The following FANCD2 variants were observed in gnomAD, a reference collection of about 807,000 sequenced individuals.
FANCD2 encodes Fanconi anemia group D2 protein.
FANCD2 carries 131 observed loss-of-function variants against 192.3 expected under a neutral mutation model. The ratio of observed to expected loss-of-function variants is 0.68; its 90% CI spans 0.59 to 0.79. The LOEUF (loss-of-function observed/expected upper bound fraction) is 0.79. FANCD2 is among the 30% of genes least tolerant of loss of function. The pLI, the probability that FANCD2 is intolerant of heterozygous loss-of-function variation, is 0.00. For synonymous variants in FANCD2, 524 were observed against 612.5 expected (o/e 0.86, Z 2.13); for missense variants, 1,508 against 1,701.6 (o/e 0.89, Z 2.00).
At chr3:10,047,029 T>C (rs1248498109) in intron 15 of FANCD2, among the ~76,000 whole-genome samples, 2 of 152,296 alleles carry the variant, frequency 1.3e-5, no homozygotes, top group African/African-American at 4.8e-5. Flanking sequence ...CTGTGGACTT[T>C]AGGTGATAAT....
chr3:10,088,235 C>T (rs140957520), intron 34 of FANCD2, among the ~76,000 whole-genome samples: 1 of 152,080 alleles, frequency 6.6e-6, no homozygotes, highest in East Asian at 1.9e-4. Flanking sequence ...TGGGGTGGGA[C>T]GTGTTGAGCC....
intron 33 of FANCD2, among the ~76,000 whole-genome samples, chr3:10,086,304 G>A (rs1694196313): frequency 6.6e-6 from 1 of 152,146 alleles, no homozygotes; most frequent in Non-Finnish European, 1.5e-5. Flanking sequence ...CTTGTAGGAA[G>A]ACCTTATGTG....
At position 10,034,629 on chromosome 3, in the gene FANCD2, A is replaced by G. The variant is rs893386787; in HGVS notation, c.274-66A>G. ...CTGGTATAAAGTTGAGTGGGCTAGA[A>G]TGATTTTTAACAGCAAATATTAAAC... On this transcript the variant is annotated intron_variant, in intron 4 of 43. Transcript: ENST00000675286. 2.0e-6 allele frequency: 3 copies of G among 1,507,042 alleles called. No homozygotes were observed. In the Admixed American group the frequency reaches 5.0e-5, roughly 25 times the overall value. The allele number at this position is 1,507,042 out of a possible 1,614,324, so 93.4% of individuals were successfully genotyped here. A position where few individuals can be genotyped will look rare whatever the true frequency, so the allele number is the denominator to read the frequency against.
chr3:10,092,326 CT>C, intron 38 of FANCD2, 74 bp downstream of exon 38: 1 of 1,138,920 alleles, frequency 8.8e-7, no homozygotes, highest in Non-Finnish European at 1.3e-6. Context: ...CCAAAATGGA[CT>C]TTCCTTGCTC....
At position 10,042,524 on chromosome 3, in the gene FANCD2, A is replaced by G. The variant is rs201937253; in HGVS notation, c.784-35A>G. On this transcript the variant is annotated intron_variant, in intron 10 of 43. Coordinates refer to ENST00000675286, the MANE Select transcript of FANCD2 (RefSeq NM_001018115.3). ...AGTACAAAGTTGAGGTAGTGACATG[A>G]AAACCTATTAAGTTTCTGTGCTTTT... The G allele has an allele frequency of 1.3e-5, 20 of 1,513,606 alleles. No homozygotes were observed. The African/African-American group carries it at 2.7e-4, about 21-fold the overall frequency. 93.8% of individuals were successfully genotyped at this position (1,513,606 alleles called of 1,614,324 possible).
intron 26 of FANCD2, among the ~76,000 whole-genome samples, chr3:10,071,900 G>A (rs1206760733): frequency 6.6e-6 from 1 of 151,330 alleles, no homozygotes; most frequent in East Asian, 2.0e-4. Flanking sequence ...GCCGGGACTA[G>A]AAGTGTGCAC....
intron 17 of FANCD2, among the ~76,000 whole-genome samples, chr3:10,051,196 C>G (rs1467497659): frequency 2.0e-5 from 3 of 150,016 alleles, no homozygotes. Context: ...CCGGCTAAAA[C>G]GGTGAAACCC....
chr3:10,057,977 T>C, intron 18 of FANCD2: 1 of 397,652 alleles, frequency 2.5e-6, no homozygotes, highest in South Asian at 2.1e-5. Flanking sequence ...CAATTATTAC[T>C]CATTAGTAGC....
chr3:10,038,030 G>A (rs569704311), intron 7 of FANCD2, among the ~76,000 whole-genome samples: 1 of 152,246 alleles, frequency 6.6e-6, no homozygotes, highest in South Asian at 2.1e-4. Context: ...TCACTCTGTT[G>A]CCCAGGCTAG....
At chr3:10,034,363 A>T in intron 3 of FANCD2, 106 bp from the exon 4 acceptor site, 20 of 655,816 alleles carry the variant, frequency 3.0e-5, no homozygotes, top group Non-Finnish European at 4.7e-5. Context: ...CTCTGAAATT[A>T]GGTTGAAAAT....
intron 26 of FANCD2, among the ~76,000 whole-genome samples, chr3:10,072,011 C>T (rs1457951026): frequency 3.3e-5 from 5 of 152,054 alleles, no homozygotes; most frequent in Non-Finnish European, 7.4e-5. Flanking sequence ...CCACCTTCCT[C>T]GGCCTCCCAA....
At position 10,052,626 on chromosome 3, in the gene FANCD2, C is replaced by T. The variant is rs2087252388; in HGVS notation, c.1656+129C>T. 4.2e-5 allele frequency: 29 copies of T among 696,344 alleles called. No individual in the cohort carries two copies. The South Asian group carries it at 4.5e-4, about 11-fold the overall frequency. The allele number at this position is 696,344 out of a possible 1,614,324, so 43.1% of individuals were successfully genotyped here. On this transcript the variant is annotated intron_variant, in intron 18 of 43. Transcript: ENST00000675286. The stretch of plus-strand genomic sequence containing the variant: ...CTCTGCCTCCTGGGTTCAAGCGATT[C>T]TCCTGCCTCAGCCTCCCAAGTGGCT...
chr3:10,054,585 G>A (rs1366728552), intron 18 of FANCD2, among the ~76,000 whole-genome samples: 30 of 134,992 alleles, frequency 2.2e-4, no homozygotes, highest in Admixed American at 7.2e-4. Context: ...CCAGGTTCCC[G>A]CCATTCTCCT....
chr3:10,066,872 G>A (rs1361020426), intron 25 of FANCD2, among the ~76,000 whole-genome samples: 1 of 152,054 alleles, frequency 6.6e-6, no homozygotes, highest in African/African-American at 2.4e-5. Context: ...TTACAGATGT[G>A]TGCCACCATG....
chr3:10,089,356 A>T (rs1035181370), intron 36 of FANCD2, among the ~76,000 whole-genome samples: 4 of 152,164 alleles, frequency 2.6e-5, no homozygotes, highest in African/African-American at 9.7e-5. Flanking sequence ...GCTCCTCCTC[A>T]TCTAATTCTG....
At chr3:10,058,658 A>G (rs2087481152) in intron 18 of FANCD2, among the ~76,000 whole-genome samples, 1 of 152,224 alleles carries the variant, frequency 6.6e-6, no homozygotes. Context: ...TTTGTCACAT[A>G]TATGAAGGCT....
In FANCD2 at chr3:10,030,792, C is replaced by T. The variant is rs1223275211; in HGVS notation, c.65-2040C>T. ...TCACGTGTCTGTAATCTCAGCTACT[C>T]GGGAGGCTGAGGCAGGGGAATTGCT... On this transcript the variant is annotated intron_variant, in intron 2 of 43. Transcript: ENST00000675286. 3.3e-5 allele frequency among the ~76,000 whole-genome samples: 5 copies of T among 152,026 alleles called. No homozygotes were observed. The East Asian group carries it at 7.8e-4, about 24-fold the overall frequency.
At chr3:10,034,616 T>G in intron 4 of FANCD2, 79 bp from the exon 5 acceptor site, 1 of 1,496,626 alleles carries the variant, frequency 6.7e-7, no homozygotes, top group South Asian at 1.1e-5. Flanking sequence ...GGTATAAAGT[T>G]GAGTGGGCTA....
intron 32 of FANCD2, 91 bp downstream of exon 32, chr3:10,081,555 A>G: frequency 1.1e-6 from 1 of 934,690 alleles, no homozygotes; most frequent in African/African-American, 1.6e-5. Flanking sequence ...AAGAAAGAAA[A>G]GGTTCAAAAA....
Sources: gnomAD v4.1 joint callset for allele counts (sites outside exome capture counted in the v4.1 genomes callset) on GRCh38, gnomAD v4.1.1 for gene constraint, MANE v1.5 for transcripts, NCBI Gene and HGNC (gene_info 2026-07-23, HGNC 2026-07-21) for gene names.